The following ALMS1 variants were observed in gnomAD, a reference collection of about 807,000 sequenced individuals.
ALMS1 encodes centrosome-associated protein ALMS1.
A neutral mutation model predicts 352.2 loss-of-function variants in ALMS1; 271 were observed. The observed-to-expected ratio is 0.77, with a 90% CI of 0.70 to 0.85. ALMS1 has a LOEUF of 0.85. Ranked by LOEUF, ALMS1 falls within the 40% of genes least tolerant of loss-of-function variation. The pLI is 0.00. For missense variants in ALMS1, 5,445 were observed against 4,870.7 expected (o/e 1.12, Z -3.51); for synonymous variants, 1,865 against 1,761.2 (o/e 1.06, Z -1.48).
chr2:73,405,667 AC>A (rs1345625651), intron 1 of ALMS1, among the ~76,000 whole-genome samples: 1 of 150,582 alleles, frequency 6.6e-6, no homozygotes. Context: ...TAGATTATTG[AC>A]ATGAATTTTT....
chr2:73,508,091 G>GTTTTCTTTTCTC (rs762603707), intron 10 of ALMS1, among the ~76,000 whole-genome samples: 2 of 151,302 alleles, frequency 1.3e-5, no homozygotes, highest in African/African-American at 2.4e-5. Flanking sequence ...GCGGTTTTGA[G>GTTTTCTTTTCTC]TTTTCTTTTC....
At chr2:73,415,688 C>T (rs1194442234) in intron 2 of ALMS1, among the ~76,000 whole-genome samples, 1 of 152,140 alleles carries the variant, frequency 6.6e-6, no homozygotes, top group Admixed American at 6.5e-5. Context: ...GGTTTAGTGA[C>T]ATCAATTTAA....
chr2:73,579,121 A>G (rs1218055599), intron 16 of ALMS1, among the ~76,000 whole-genome samples: 1 of 136,020 alleles, frequency 7.4e-6, no homozygotes, highest in Non-Finnish European at 1.5e-5. Flanking sequence ...GTGCAATGGC[A>G]CAATCTAAGC....
chr2:73,522,316 A>G (rs1418499509), intron 11 of ALMS1, among the ~76,000 whole-genome samples: 15 of 152,228 alleles, frequency 9.9e-5, no homozygotes, highest in Admixed American at 9.8e-4. Flanking sequence ...ATACCGATGG[A>G]GAAAGAAAAT....
chr2:73,606,650 G>C (rs1173840361), intron 21 of ALMS1, among the ~76,000 whole-genome samples: 1 of 152,184 alleles, frequency 6.6e-6, no homozygotes, highest in Non-Finnish European at 1.5e-5. Flanking sequence ...TTTCAAGGGA[G>C]TGATCTGTTT....
In ALMS1 at chr2:73,578,464, G is replaced by T. The variant is rs192170332; in HGVS notation, c.11547+5040G>T. On this transcript the variant is annotated intron_variant, in intron 16 of 22. Transcript: ENST00000613296. ...GTTTTTCATTTCTACTGCCTTCTTT[G>T]TATCTAATTGATTTTTTGTAGTGTA... Among the ~76,000 whole-genome samples, 381 of 150,996 alleles carry T rather than the reference G, an allele frequency of 2.5e-3. 4 individuals are homozygous for T. The highest frequency in any genetic ancestry group is 8.9e-3 in the African/African-American group (367 of 41,152).
intron 10 of ALMS1, among the ~76,000 whole-genome samples, chr2:73,495,256 C>T (rs1476052031): frequency 6.6e-6 from 1 of 151,946 alleles, no homozygotes; most frequent in Non-Finnish European, 1.5e-5. Context: ...TCTTTTTGAG[C>T]CGGAGTCTTG....
chr2:73,485,855 C>G (rs1192584534), intron 9 of ALMS1, among the ~76,000 whole-genome samples: 1 of 152,180 alleles, frequency 6.6e-6, no homozygotes, highest in Non-Finnish European at 1.5e-5. Flanking sequence ...GTCCGTCACC[C>G]CTTTCTTTGA....
At chr2:73,392,528 C>T (rs1222695320) in intron 1 of ALMS1, among the ~76,000 whole-genome samples, 1 of 152,126 alleles carries the variant, frequency 6.6e-6, no homozygotes, top group Non-Finnish European at 1.5e-5. Context: ...TTCCATTCCC[C>T]ATATGCAACT....
rs373191489 is a variant in ALMS1, at chr2:73,601,440, C to T, written c.12114+4C>T. 2.5e-5 allele frequency: 41 copies of T among 1,613,778 alleles called. No homozygotes were observed. Among genetic ancestry groups the T allele is most frequent in the Non-Finnish European group, 2.3e-5 (27 of 1,179,882 alleles). ...ATTTGTGAGAGCAACCCTTCAGGTG[C>T]AGTGACGTTGACTTAACTTTAATGC... On this transcript the variant is annotated splice_donor_region_variant and intron_variant, in intron 19 of 22. Transcript: ENST00000613296.
intron 3 of ALMS1, among the ~76,000 whole-genome samples, chr2:73,421,920 A>G (rs1416749806): frequency 6.6e-6 from 1 of 152,156 alleles, no homozygotes; most frequent in African/African-American, 2.4e-5. Flanking sequence ...TAAAATAAGA[A>G]TGATTTAAGT....
At chr2:73,568,995 C>CTTTTTTTTTTGTTTTTTTTT (rs1674863215) in intron 15 of ALMS1, among the ~76,000 whole-genome samples, 1 of 53,532 alleles carries the variant, frequency 1.9e-5, no homozygotes, top group Non-Finnish European at 3.4e-5. Flanking sequence ...GCTTCTGCTT[C>CTTTTTTTTTTGTTTTTTTTT]TTTTTTTTTT....
intron 1 of ALMS1, among the ~76,000 whole-genome samples, chr2:73,403,966 C>T (rs891386223): frequency 2.6e-5 from 4 of 152,116 alleles, no homozygotes; most frequent in African/African-American, 9.7e-5. Context: ...GTGGCTCGAT[C>T]CCTGCTCACT....
intron 12 of ALMS1, among the ~76,000 whole-genome samples, chr2:73,545,512 T>C (rs1674295117): frequency 6.6e-6 from 1 of 152,164 alleles, no homozygotes; most frequent in Admixed American, 6.5e-5. Flanking sequence ...TTTACCACAG[T>C]TAAAAAAACT....
At chr2:73,445,568 G>A (rs1671795586) in intron 7 of ALMS1, among the ~76,000 whole-genome samples, 1 of 152,158 alleles carries the variant, frequency 6.6e-6, no homozygotes, top group African/African-American at 2.4e-5. Flanking sequence ...CATTTTGTCT[G>A]TGAGAAATAA....
In ALMS1 at chr2:73,519,995, A is replaced by C. The variant is rs1553412796; in HGVS notation, c.9760A>C (p.Thr3254Pro). The part of the protein sequence containing the change: ...FASSSSVQQV[T>P]FSRGTDGQPL... ...CTCATCATCTTCAGTCCAACAGGTT[A>C]CTTTTTCTCGCGGCACAGATGGTAA... The change falls in exon 11 of 23, where the codon ACT (threonine) becomes CCT (proline). Residue 3254 changes from threonine to proline, a missense_variant. Coordinates refer to ENST00000613296, the MANE Select transcript of ALMS1 (RefSeq NM_001378454.1). The C allele has an allele frequency of 1.2e-6, 2 of 1,613,990 alleles. No individual in the cohort carries two copies. Among genetic ancestry groups the C allele is most frequent in the African/African-American group, 1.3e-5 (1 of 74,930 alleles).
At chr2:73,399,668 G>A (rs180919880) in intron 1 of ALMS1, among the ~76,000 whole-genome samples, 8 of 152,060 alleles carry the variant, frequency 5.3e-5, no homozygotes, top group Admixed American at 5.2e-4. Context: ...TTCAATATGA[G>A]ATTTGAAAGG....
intron 9 of ALMS1, among the ~76,000 whole-genome samples, chr2:73,486,645 C>G (rs1402532104): frequency 6.6e-6 from 1 of 152,194 alleles, no homozygotes; most frequent in East Asian, 1.9e-4. Context: ...CCTCAGGTCC[C>G]TAGATCTCTA....
intron 11 of ALMS1, among the ~76,000 whole-genome samples, chr2:73,532,702 G>A (rs1370333334): frequency 2.0e-5 from 3 of 152,126 alleles, no homozygotes; most frequent in Non-Finnish European, 4.4e-5. Flanking sequence ...AACTCCTGGA[G>A]CTTACTTTGT....
Sources: allele counts gnomAD v4.1 joint callset (sites outside exome capture counted in the v4.1 genomes callset), GRCh38; gene constraint gnomAD v4.1.1; transcripts MANE v1.5; gene names NCBI Gene and HGNC (gene_info 2026-07-23, HGNC 2026-07-21).